GLYCTK: variants seen among roughly 807,000 people sequenced by gnomAD.
GLYCTK encodes glycerate kinase.
A neutral mutation model predicts 24.8 loss-of-function variants in GLYCTK; 22 were observed. That is an observed-to-expected ratio of 0.89 (90% confidence interval 0.63 to 1.27). The LOEUF (loss-of-function observed/expected upper bound fraction) is 1.27, where lower values mean the gene tolerates loss of function less well. GLYCTK is among the 50% of genes most tolerant of loss of function. GLYCTK has a pLI of 0.00. For synonymous variants in GLYCTK, 320 were observed against 297.2 expected, an observed-to-expected ratio of 1.08 and a Z score of -0.79; for missense variants, 684 against 686.7, an observed-to-expected ratio of 1.00 and a Z score of 0.04.
chr3:52,291,144 G>C (rs774154964), intron 3 of GLYCTK, 33 bp downstream of exon 3: 2 of 1,602,156 alleles, frequency 1.2e-6, no homozygotes, highest in Non-Finnish European at 8.5e-7. Context: ...GACTGTTGGT[G>C]GGGGGTGCAC....
In GLYCTK at chr3:52,293,027, C is replaced by A. The variant is rs547441620; in HGVS notation, c.1473C>A (p.Thr491=). Residue 491 remains threonine (T), a synonymous_variant, in exon 5 of 5, where the codon ACC becomes ACA. Transcript: ENST00000436784. ...ATFLAHNDSH[T]FFCCLQGGAH... is the part of the protein sequence containing the mutation. ...TCCTAGCCCACAATGACTCACATAC[C>A]TTCTTCTGCTGCCTCCAGGGTGGGG... is the stretch of plus-strand genomic sequence containing the variant. 1 of 1,614,036 alleles carries A rather than the reference C, an allele frequency of 6.2e-7. No homozygotes were observed. Among genetic ancestry groups the A allele is most frequent in the East Asian group, 2.2e-5 (1 of 44,876 alleles).
At chr3:52,288,333 C>T (rs1700353251) in intron 1 of GLYCTK, among the ~76,000 whole-genome samples, 1 of 152,226 alleles carries the variant, frequency 6.6e-6, no homozygotes, top group Admixed American at 6.5e-5. Flanking sequence ...ATGCCTCAGT[C>T]TCCCGAGTAG....
Position 52,291,835 on chromosome 3 carries a change from A to G in GLYCTK, c.618A>G (p.Gly206=). Residue 206 remains glycine (G), a synonymous_variant, in exon 4 of 5, where the codon GGA becomes GGG. Coordinates refer to ENST00000436784, the MANE Select transcript of GLYCTK (RefSeq NM_145262.4). ...QTLTRLLAAR[G]ATIQELNTIR... ...TCACTAGACTGCTGGCAGCCCGTGG[A>G]GCCACCATCCAGGAGTTGAACACCA... The G allele has an allele frequency of 6.2e-7, 1 of 1,613,906 alleles. No homozygotes were observed. The highest frequency in any genetic ancestry group is 8.5e-7 in the Non-Finnish European group (1 of 1,179,992).
chr3:52,291,853 G>T lies in GLYCTK; in HGVS notation c.636G>T (p.Leu212Phe). ...LAARGATIQE[L>F]NTIRKALSQL... ...CCCGTGGAGCCACCATCCAGGAGTT[G>T]AACACCATTCGGAAGGCCCTGTCCC... Residue 212 changes from leucine to phenylalanine, a missense_variant, in exon 4 of 5, where the codon TTG becomes TTT. Leu to Phe is a conservative substitution (Grantham distance 22). Transcript: ENST00000436784. The T allele has an allele frequency of 6.2e-7, 1 of 1,613,940 alleles. No homozygotes were observed. The highest frequency in any genetic ancestry group is 8.5e-7 in the Non-Finnish European group (1 of 1,180,010).
rs529684088 is a variant in GLYCTK at position 52,293,990 on chromosome 3, C to T, written c.*864C>T. 1 of 432,128 alleles carries T rather than the reference C, an allele frequency of 2.3e-6. No homozygotes were observed. Among genetic ancestry groups the T allele is most frequent in the South Asian group, 1.6e-5 (1 of 61,298 alleles). The allele number at this position is 432,128 out of a possible 1,614,324, so 26.8% of individuals were successfully genotyped here. On this transcript the variant is annotated 3_prime_UTR_variant, in exon 5 of 5. Transcript: ENST00000436784. ...ACTCCTCTGGGGACCAAGTCCAGAC[C>T]CTGAAGTCAGCCCTTCAGTGGGGGT...
At chr3:52,287,960 C>A (rs11707056) in intron 1 of GLYCTK, 84 bp downstream of exon 1, 32,756 of 379,350 alleles carry the variant, frequency 0.086, 1,777 homozygotes, top group Non-Finnish European at 0.11. Context: ...GCAGCAGGCC[C>A]TTCTTTCTCG....
chr3:52,291,333 G>A (rs2153220948), intron 3 of GLYCTK: 1 of 613,598 alleles, frequency 1.6e-6, no homozygotes, highest in Admixed American at 2.7e-5. Context: ...TTCGGTGACA[G>A]TGAGAGGGTG....
At position 52,290,507 on chromosome 3, in the gene GLYCTK, G is replaced by A. The variant is rs113417839; in HGVS notation, c.165G>A (p.Leu55=). Residue 55 remains leucine, a synonymous_variant, in exon 2 of 5, where the codon CTG becomes CTA. Transcript: ENST00000436784. ...AVGAVLPGPM[L]HRALSLDPGG... is the part of the protein sequence containing the mutation. ...GTGCAGTGCTGCCGGGCCCCATGCT[G>A]CACCGGGCACTATCCTTGGACCCTG... 3 of 1,613,474 alleles carry A rather than the reference G, an allele frequency of 1.9e-6. No homozygotes were observed. The highest frequency in any genetic ancestry group is 2.5e-6 in the Non-Finnish European group (3 of 1,180,032).
chr3:52,288,046 A>G (rs1440023095), intron 1 of GLYCTK, 170 bp downstream of exon 1: 5 of 285,708 alleles, frequency 1.8e-5, no homozygotes, highest in African/African-American at 6.8e-5. Context: ...CCGGCCCCCT[A>G]CTGTCTAGGG....
At chr3:52,288,430 G>T (rs1186321172) in intron 1 of GLYCTK, 2 of 151,892 alleles carry the variant, frequency 1.3e-5, no homozygotes, top group Admixed American at 1.3e-4. Context: ...GGCTGGTCTC[G>T]AACTCCTGAC....
At position 52,290,730 on chromosome 3, in the gene GLYCTK, A is replaced by C. The variant is rs771523263; in HGVS notation, c.377+11A>C. The C allele has an allele frequency of 6.2e-6, 10 of 1,608,358 alleles. No individual in the cohort carries two copies. Among genetic ancestry groups the C allele is most frequent in the Admixed American group, 1.7e-5 (1 of 59,838 alleles). On this transcript the variant is annotated intron_variant, in intron 2 of 4. Coordinates refer to ENST00000436784, the MANE Select transcript of GLYCTK (RefSeq NM_145262.4). Reference sequence around the variant, plus strand: ...GCGTGCCGGCAAGCAGTAAGGAGCCATGGGGGCCTGCCTCCCTCTATCTAT... The same window carrying C: ...GCGTGCCGGCAAGCAGTAAGGAGCCCTGGGGGCCTGCCTCCCTCTATCTAT...
At position 52,290,338 on chromosome 3, in the gene GLYCTK, G is replaced by A. The variant is rs374566243; in HGVS notation, c.-5G>A. The A allele has an allele frequency of 1.7e-5, 27 of 1,595,768 alleles. No homozygotes were observed. Among genetic ancestry groups the A allele is most frequent in the African/African-American group, 1.3e-4 (10 of 74,850 alleles). ...GGTGCCAGGCAGTGCTGAGAGCAGT[G>A]GGGCATGGCTGCAGCCCTGCAGGTC... On this transcript the variant is annotated 5_prime_UTR_variant, in exon 2 of 5. Transcript: ENST00000436784.
intron 1 of GLYCTK, 84 bp downstream of exon 1, chr3:52,287,960 C>G: frequency 2.6e-6 from 1 of 379,538 alleles, no homozygotes; most frequent in South Asian, 1.7e-5. Context: ...GCAGCAGGCC[C>G]TTCTTTCTCG....
In GLYCTK at chr3:52,292,332, A is replaced by G. The variant is rs781009583; in HGVS notation, c.778A>G (p.Ser260Gly). ...EVIASGPTVA[S>G]SHNVQDCLHI... ...GATTGCCAGTGGCCCCACCGTGGCC[A>G]GTTCCCACAATGTGCAAGATTGCCT... Residue 260 changes from serine (S) to glycine (G), a missense_variant, in exon 5 of 5, where the codon AGT (serine) becomes GGT (glycine). Coordinates refer to ENST00000436784, the MANE Select transcript of GLYCTK (RefSeq NM_145262.4). 2 of 1,614,004 alleles carry G rather than the reference A, an allele frequency of 1.2e-6. No homozygotes were observed. Among genetic ancestry groups the G allele is most frequent in the East Asian group, 2.2e-5 (1 of 44,884 alleles).
rs780634197 is a variant in GLYCTK at position 52,294,842 on chromosome 3, A to AGT, written c.*1726_*1727dup. On this transcript the variant is annotated 3_prime_UTR_variant, in exon 5 of 5. Transcript: ENST00000436784. ...CTGAGGGCCTGGCAGCCATGTCCCC[A>AGT]GTGTGTGTGTGGGTGGTAGGTGTGT... is the stretch of plus-strand genomic sequence containing the variant. 2 of 453,710 alleles carry AGT rather than the reference A, an allele frequency of 4.4e-6. No homozygotes were observed. Among genetic ancestry groups the AGT allele is most frequent in the Non-Finnish European group, 8.8e-6 (2 of 226,558 alleles). The allele number at this position is 453,710 out of a possible 1,614,324, so 28.1% of individuals were successfully genotyped here.
chr3:52,291,546 C>T, intron 3 of GLYCTK: 1 of 601,780 alleles, frequency 1.7e-6, no homozygotes, highest in East Asian at 2.8e-5. Context: ...CCGGTGCCTA[C>T]TGGGACCTGG....
chr3:52,292,570 G>C lies in GLYCTK; in HGVS notation c.1016G>C (p.Gly339Ala), dbSNP rs776749165. 4.3e-6 allele frequency: 7 copies of C among 1,614,070 alleles called. No homozygotes were observed. In the South Asian group the frequency reaches 6.6e-5, roughly 15 times the overall value. Reference sequence around the variant, plus strand: ...GTGGTGCTGAGTGCAGCCATGCAAGGTGATGTAAAAAGTATGGCCCAGTTC... The same window carrying C: ...GTGGTGCTGAGTGCAGCCATGCAAGCTGATGTAAAAAGTATGGCCCAGTTC... ...QAVVLSAAMQGDVKSMAQFYG... is the reference protein window; with the variant it reads ...QAVVLSAAMQADVKSMAQFYG... Residue 339 changes from glycine to alanine, a missense_variant, in exon 5 of 5, where the codon GGT (glycine) becomes GCT (alanine). Coordinates refer to ENST00000436784, the MANE Select transcript of GLYCTK (RefSeq NM_145262.4).
At position 52,291,032 on chromosome 3, in the gene GLYCTK, T is replaced by G. The variant is rs1353365450; in HGVS notation, c.450T>G (p.Asp150Glu). 4 of 1,613,836 alleles carry G rather than the reference T, an allele frequency of 2.5e-6. No homozygotes were observed. The Admixed American group carries it at 6.7e-5, about 27-fold the overall frequency. The change falls in exon 3 of 5, where the codon GAT becomes GAG. Residue 150 changes from aspartate to glutamate, a missense_variant. Physicochemically the swap from Asp to Glu is conservative, Grantham distance 45. Coordinates refer to ENST00000436784, the MANE Select transcript of GLYCTK (RefSeq NM_145262.4). ...CGGAGGACAACCTCCCGGACCGCGA[T>G]GCGCTGCGGGCTGCACTGGCCATCC... Reference protein sequence around the residue: ...EGAEDNLPDRDALRAALAIQQ... With the variant: ...EGAEDNLPDREALRAALAIQQ...
intron 4 of GLYCTK, 101 bp downstream of exon 4, chr3:52,292,023 A>G: frequency 7.7e-7 from 1 of 1,301,614 alleles, no homozygotes; most frequent in African/African-American, 1.4e-5. Flanking sequence ...TGGCAGGGGC[A>G]TGGTGTGAAA....
Sources: gnomAD v4.1 joint callset for allele counts (sites outside exome capture counted in the v4.1 genomes callset) on GRCh38, gnomAD v4.1.1 for gene constraint, MANE v1.5 for transcripts, NCBI Gene and HGNC (gene_info 2026-07-23, HGNC 2026-07-21) for gene names.